The following NCKAP1 variants were observed in gnomAD, a reference collection of about 807,000 sequenced individuals.
NCKAP1 encodes the protein NCK associated protein 1.
In NCKAP1, 21 loss-of-function variants were observed where a neutral mutation model predicts 151.2. That is an observed-to-expected ratio of 0.14 (90% CI 0.10 to 0.20). The LOEUF (loss-of-function observed/expected upper bound fraction) is 0.20. Ranked by LOEUF, NCKAP1 falls within the 10% of genes least tolerant of loss-of-function variation. The pLI is 1.00. For synonymous variants in NCKAP1, 484 were observed against 451.8 expected (o/e 1.07, Z -0.90); for missense variants, 933 against 1,352.1 (o/e 0.69, Z 4.86).
chr2:182,979,272 T>G (rs913290892), intron 13 of NCKAP1, among the ~76,000 whole-genome samples: 1 of 152,072 alleles, frequency 6.6e-6, no homozygotes, highest in Admixed American at 6.6e-5. Flanking sequence ...ATAAGTAAAC[T>G]TTTAAAGGTG....
At position 182,976,879 on chromosome 2, in the gene NCKAP1, A is replaced by C. The variant is rs752466042; in HGVS notation, c.1482+14T>G. 6.9e-5 allele frequency: 101 copies of C among 1,460,094 alleles called. No homozygotes were observed. The highest frequency in any genetic ancestry group is 8.1e-5 in the Non-Finnish European group (89 of 1,093,436). The allele number at this position is 1,460,094 out of a possible 1,614,324, so 90.4% of individuals were successfully genotyped here. ...AAATAACAAAACAGAATGACAATAA[A>C]AGGTTATTCTTACCTGTAACCTAAA... On this transcript the variant is annotated intron_variant, in intron 15 of 30. Transcript: ENST00000361354.
At chr2:182,957,389 G>T in intron 19 of NCKAP1, 68 bp downstream of exon 19, 1 of 1,492,308 alleles carries the variant, frequency 6.7e-7, no homozygotes, top group Non-Finnish European at 9.0e-7. Context: ...CAGTACTAAT[G>T]TCAATAGAAA....
In NCKAP1 at chr2:182,994,698, C is replaced by T. The variant is rs79454661; in HGVS notation, c.790+141G>A. On this transcript the variant is annotated intron_variant, in intron 8 of 30. Transcript: ENST00000361354. Reference sequence around the variant, plus strand: ...AACAGGCTATCTACTCTGATAGGATCAATATGAGGACTGAAAGAGGTAATG... The same window carrying T: ...AACAGGCTATCTACTCTGATAGGATTAATATGAGGACTGAAAGAGGTAATG... 4.4e-3 allele frequency: 2,944 copies of T among 664,530 alleles called. 70 individuals are homozygous for T. In the African/African-American group the frequency reaches 0.05, roughly 11 times the overall value. The allele number at this position is 664,530 out of a possible 1,614,324, so 41.2% of individuals were successfully genotyped here.
chr2:183,033,812 C>T (rs1490373385), intron 1 of NCKAP1, among the ~76,000 whole-genome samples: 1 of 152,130 alleles, frequency 6.6e-6, no homozygotes, highest in Non-Finnish European at 1.5e-5. Flanking sequence ...TACTTACAAA[C>T]TAACAATTCA....
chr2:182,929,395 G>A (rs1300749331), intron 27 of NCKAP1, among the ~76,000 whole-genome samples: 2 of 151,958 alleles, frequency 1.3e-5, no homozygotes, highest in Non-Finnish European at 2.9e-5. Context: ...AATGTGGAAA[G>A]TGGAATGGGT....
intron 20 of NCKAP1, among the ~76,000 whole-genome samples, chr2:182,953,620 G>T (rs1220871260): frequency 6.6e-6 from 1 of 152,190 alleles, no homozygotes; most frequent in East Asian, 1.9e-4. Context: ...GGCCAACATG[G>T]TGAATCCTTG....
chr2:182,986,999 T>C (rs1473587694), intron 9 of NCKAP1, among the ~76,000 whole-genome samples: 1 of 152,162 alleles, frequency 6.6e-6, no homozygotes, highest in Admixed American at 6.5e-5. Flanking sequence ...CCCAGCACTT[T>C]GGGAGGCCAA....
chr2:183,020,600 T>C (rs530876768), intron 2 of NCKAP1, among the ~76,000 whole-genome samples: 27 of 151,576 alleles, frequency 1.8e-4, no homozygotes, highest in South Asian at 1.2e-3. Context: ...GAAATAGTAA[T>C]AACCTAGGTC....
At chr2:183,018,895 A>G (rs2105890467) in intron 2 of NCKAP1, among the ~76,000 whole-genome samples, 1 of 152,318 alleles carries the variant, frequency 6.6e-6, no homozygotes, top group South Asian at 2.1e-4. Flanking sequence ...TTTACTGCTG[A>G]TTATTACACT....
At chr2:182,950,562 T>C (rs1697192651) in intron 23 of NCKAP1, among the ~76,000 whole-genome samples, 1 of 152,164 alleles carries the variant, frequency 6.6e-6, no homozygotes. Flanking sequence ...TCAATGTTTG[T>C]ATATTTACAA....
At chr2:182,948,373 A>G (rs1697148748) in intron 23 of NCKAP1, among the ~76,000 whole-genome samples, 1 of 152,114 alleles carries the variant, frequency 6.6e-6, no homozygotes, top group African/African-American at 2.4e-5. Flanking sequence ...ATCTTGGTTA[A>G]GGATATTTAA....
In NCKAP1 at chr2:182,935,376, C is replaced by A; in HGVS notation, c.2696-1G>T. On this transcript the variant is annotated splice_acceptor_variant, in intron 24 of 30. Transcript: ENST00000361354. LOFTEE classifies it high-confidence loss of function. ...ATCCTCTTCAAGACACTGTCAACAG[C>A]TAAATTCAAAGAAACAGAAGGAGAA... 1 of 1,535,914 alleles carries A rather than the reference C, an allele frequency of 6.5e-7. No homozygotes were observed. Among genetic ancestry groups the A allele is most frequent in the Non-Finnish European group, 8.7e-7 (1 of 1,145,466 alleles).
At position 182,930,769 on chromosome 2, in the gene NCKAP1, T is replaced by C; in HGVS notation, c.2879A>G (p.Glu960Gly). ...TDMKVAMNVY[E>G]LSSAAGLPCE... is the part of the protein sequence containing the mutation. ...AGGTAATCCGGCAGCTGATGATAAC[T>C]CATACACATTCATTGCAACCTGATA... Residue 960 changes from glutamate to glycine, a missense_variant, in exon 27 of 31, where the codon GAG becomes GGG. Physicochemically the swap from Glu to Gly is moderately conservative, Grantham distance 98. Around this residue, in one of 2 missense-constraint regions of NCKAP1, gnomAD observed 326 missense variants for 557.1 expected, o/e 0.59. Coordinates refer to ENST00000361354, the MANE Select transcript of NCKAP1 (RefSeq NM_013436.5). 6.2e-7 allele frequency: 1 copy of C among 1,613,096 alleles called. No individual in the cohort carries two copies. The highest frequency in any genetic ancestry group is 8.5e-7 in the Non-Finnish European group (1 of 1,179,176).
rs1020594103 is a variant in NCKAP1 at position 182,928,895 on chromosome 2, G to C, written c.2958C>G (p.Asn986Lys). 2.5e-6 allele frequency: 4 copies of C among 1,591,388 alleles called. No individual in the cohort carries two copies. Among genetic ancestry groups the C allele is most frequent in the Non-Finnish European group, 3.4e-6 (4 of 1,163,728 alleles). Residue 986 changes from asparagine (N) to lysine (K), a missense_variant, in exon 28 of 31, where the codon AAC (asparagine) becomes AAG (lysine). Asn to Lys is a moderately conservative substitution (Grantham distance 94). This residue lies in a region of NCKAP1 where 326 missense variants were observed against 557.1 expected (regional missense o/e 0.59). Coordinates refer to ENST00000361354, the MANE Select transcript of NCKAP1 (RefSeq NM_013436.5). Reference protein sequence around the residue: ...VVALSSQKSENISPEEEYKIA... With the variant: ...VVALSSQKSEKISPEEEYKIA... ...TTTTATACTCTTCTTCTGGACTAAT[G>C]TTTTCTAAGAGACAAAAATTAAGAA...
At chr2:182,972,494 C>A (rs1055146341) in intron 15 of NCKAP1, among the ~76,000 whole-genome samples, 2 of 152,068 alleles carry the variant, frequency 1.3e-5, no homozygotes, top group Non-Finnish European at 2.9e-5. Context: ...AGTAGAGCCG[C>A]TATTGAAAAC....
At chr2:182,930,655 C>G (rs1575012390) in intron 27 of NCKAP1, 40 bp downstream of exon 27, 1 of 1,517,442 alleles carries the variant, frequency 6.6e-7, no homozygotes, top group African/African-American at 1.4e-5. Flanking sequence ...GCCCTGGTAA[C>G]TTTAACTAAG....
At chr2:183,016,162 G>C (rs769768618) in intron 2 of NCKAP1, among the ~76,000 whole-genome samples, 6 of 151,998 alleles carry the variant, frequency 3.9e-5, no homozygotes, top group Non-Finnish European at 7.4e-5. Flanking sequence ...AAGTAAACTA[G>C]GAGATATTCA....
intron 15 of NCKAP1, among the ~76,000 whole-genome samples, chr2:182,974,213 T>C (rs180821881): frequency 6.6e-6 from 1 of 150,858 alleles, no homozygotes; most frequent in East Asian, 2.0e-4. Flanking sequence ...GGCTTAGTGT[T>C]ATGTCCCATT....
chr2:183,002,217 G>A lies in NCKAP1; in HGVS notation c.422C>T (p.Thr141Ile), dbSNP rs781200469. Residue 141 changes from threonine to isoleucine, a missense_variant, in exon 5 of 31, where the codon ACA becomes ATA. Coordinates refer to ENST00000361354, the MANE Select transcript of NCKAP1 (RefSeq NM_013436.5). Reference protein sequence around the residue: ...KNYLDLIITYTTLMILLSRIE... With the variant: ...KNYLDLIITYITLMILLSRIE... The stretch of plus-strand genomic sequence containing the variant: ...TCGAGACAGCAGTATCATTAGTGTT[G>A]TATAGGTTATAATTAAATCTAAGTA... 1.3e-6 allele frequency: 2 copies of A among 1,576,808 alleles called. No homozygotes were observed. The highest frequency in any genetic ancestry group is 1.1e-5 in the South Asian group (1 of 90,010).
Sources: gnomAD v4.1 joint callset for allele counts (sites outside exome capture counted in the v4.1 genomes callset) on GRCh38, gnomAD v4.1.1 for gene constraint, gnomAD v4.1.1 regional missense constraint, MANE v1.5 for transcripts, NCBI Gene and HGNC (gene_info 2026-07-23, HGNC 2026-07-21) for gene names.